The following PLXNA4 variants were observed in gnomAD, a reference collection of about 807,000 sequenced individuals.
PLXNA4 encodes plexin-A4.
In PLXNA4, 44 loss-of-function variants were observed where a neutral mutation model predicts 191.8. The observed-to-expected ratio is 0.23, with a 90% CI of 0.18 to 0.29. The LOEUF (loss-of-function observed/expected upper bound fraction) is 0.29, where lower values mean the gene tolerates loss of function less well. Among genes scored for constraint, PLXNA4 ranks in the 10% least tolerant of loss-of-function variants. The pLI is 1.00. For synonymous variants in PLXNA4, 1,082 were observed against 1,009.5 expected (o/e 1.07, Z -1.36); for missense variants, 1,800 against 2,488.8 (o/e 0.72, Z 5.89).
At chr7:132,337,561 C>A (rs1802868540) in intron 3 of PLXNA4, among the ~76,000 whole-genome samples, 1 of 152,174 alleles carries the variant, frequency 6.6e-6, no homozygotes, top group Non-Finnish European at 1.5e-5. Flanking sequence ...CAACTACACC[C>A]TAGTTGCAGC....
chr7:132,133,195 A>T lies in PLXNA4; in HGVS notation c.5443T>A (p.Tyr1815Asn). 1 of 1,614,070 alleles carries T rather than the reference A, an allele frequency of 6.2e-7. No homozygotes were observed. The highest frequency in any genetic ancestry group is 8.5e-7 in the Non-Finnish European group (1 of 1,179,968). Residue 1815 changes from tyrosine to asparagine, a missense_variant, in exon 31 of 32, where the codon TAC becomes AAC. Around this residue, in one of 6 missense-constraint regions of PLXNA4, gnomAD observed 101 missense variants for 182.8 expected, o/e 0.55. Coordinates refer to ENST00000321063, the MANE Select transcript of PLXNA4 (RefSeq NM_020911.2). ...PSYKNWVERY[Y>N]SDIGKMPAIS... ...GCTGGCATCTTCCCTATGTCTGAGT[A>T]ATACCTGTGGAGGGATGGAAATAGG...
chr7:132,382,624 G>A lies in PLXNA4; in HGVS notation c.1372-84402C>T, dbSNP rs113659722. On this transcript the variant is annotated intron_variant, in intron 3 of 31. Coordinates refer to ENST00000321063, the MANE Select transcript of PLXNA4 (RefSeq NM_020911.2). ...CAAATGGCTGCTACATCATCAGCTC[G>A]TTAATAACAGAGAGTACTGGCACTG... 6.0e-3 allele frequency among the ~76,000 whole-genome samples: 919 copies of A among 152,258 alleles called. 11 individuals carry two copies. The highest frequency in any genetic ancestry group is 0.021 in the African/African-American group (871 of 41,566).
intron 2 of PLXNA4, among the ~76,000 whole-genome samples, chr7:132,489,762 G>A (rs1797708574): frequency 6.6e-6 from 1 of 152,180 alleles, no homozygotes; most frequent in East Asian, 1.9e-4. Flanking sequence ...GCCATCTTGG[G>A]AGCTTTGTCC....
intron 2 of PLXNA4, among the ~76,000 whole-genome samples, chr7:132,497,970 A>G (rs1585226469): frequency 6.6e-6 from 1 of 152,298 alleles, no homozygotes; most frequent in East Asian, 1.9e-4. Context: ...AGACAAACAC[A>G]TCATTGCAGG....
At chr7:132,339,327 C>T (rs896837443) in intron 3 of PLXNA4, among the ~76,000 whole-genome samples, 2 of 152,192 alleles carry the variant, frequency 1.3e-5, no homozygotes, top group South Asian at 2.1e-4. Context: ...CCTCATCCCC[C>T]ATCTAATGTT....
At chr7:132,188,948 A>AGAGAGGAGAGGAGAGGAGAG (rs1261524794) in intron 14 of PLXNA4, among the ~76,000 whole-genome samples, 1 of 39,390 alleles carries the variant, frequency 2.5e-5, no homozygotes, top group Non-Finnish European at 5.6e-5. Context: ...CAACCTTCCC[A>AGAGAGGAGAGGAGAGGAGAG]GAGAGGAAAG....
chr7:132,526,590 C>T (rs991559401), intron 1 of PLXNA4, among the ~76,000 whole-genome samples: 11 of 152,192 alleles, frequency 7.2e-5, no homozygotes, highest in African/African-American at 2.4e-4. Context: ...GGTTCACTTC[C>T]TTGCTGCCTG....
intron 1 of PLXNA4, among the ~76,000 whole-genome samples, chr7:132,557,091 C>T (rs754972169): frequency 5.3e-5 from 8 of 152,190 alleles, no homozygotes; most frequent in Non-Finnish European, 1.2e-4. Context: ...TGGTTACGAA[C>T]CAGCAGTGGG....
chr7:132,562,984 T>TC (rs1563175149), intron 1 of PLXNA4, among the ~76,000 whole-genome samples: 62 of 43,034 alleles, frequency 1.4e-3, no homozygotes, highest in Non-Finnish European at 1.8e-3. Flanking sequence ...CTCCTCCTCC[T>TC]TCTCCTCCTC....
chr7:132,640,361 G>A (rs758260443), intron 2 of PLXNA4, among the ~76,000 whole-genome samples: 4 of 152,182 alleles, frequency 2.6e-5, no homozygotes, highest in African/African-American at 4.8e-5. Context: ...GGAATGCATC[G>A]CATCCCCCTC....
At chr7:132,184,215 G>C (rs1796802951) in intron 16 of PLXNA4, among the ~76,000 whole-genome samples, 1 of 152,202 alleles carries the variant, frequency 6.6e-6, no homozygotes. Flanking sequence ...GTCCCAGCAG[G>C]GGGCAGCGGG....
chr7:132,246,994 T>C (rs1799081744), intron 4 of PLXNA4, among the ~76,000 whole-genome samples: 1 of 152,198 alleles, frequency 6.6e-6, no homozygotes, highest in African/African-American at 2.4e-5. Context: ...AGCCCATTGC[T>C]TGGGGACCTG....
intron 7 of PLXNA4, among the ~76,000 whole-genome samples, chr7:132,227,246 G>T (rs922174934): frequency 7.9e-5 from 12 of 152,234 alleles, no homozygotes; most frequent in African/African-American, 2.9e-4. Flanking sequence ...CTGGGGCTGA[G>T]ACAGAAGGGC....
chr7:132,228,669 C>T (rs900902849), intron 5 of PLXNA4, among the ~76,000 whole-genome samples, 200 bp from the exon 6 acceptor site: 1 of 152,224 alleles, frequency 6.6e-6, no homozygotes, highest in Non-Finnish European at 1.5e-5. Context: ...ATTTCAATCA[C>T]CTCTTGCCAA....
At chr7:132,210,167 T>G (rs1208839459) in intron 10 of PLXNA4, among the ~76,000 whole-genome samples, 1 of 152,144 alleles carries the variant, frequency 6.6e-6, no homozygotes, top group Admixed American at 6.5e-5. Context: ...ATGTGTCTAG[T>G]GTTTGTCTCT....
intron 1 of PLXNA4, among the ~76,000 whole-genome samples, chr7:132,573,895 G>C (rs996389598): frequency 4.6e-5 from 7 of 152,178 alleles, no homozygotes; most frequent in African/African-American, 1.4e-4. Flanking sequence ...GGTTTTTCTA[G>C]TGTGACTCCC....
At chr7:132,473,436 C>T (rs1375846955) in intron 3 of PLXNA4, among the ~76,000 whole-genome samples, 1 of 152,192 alleles carries the variant, frequency 6.6e-6, no homozygotes, top group Non-Finnish European at 1.5e-5. Context: ...ATGGGGACCC[C>T]TGTCTCCTGC....
In PLXNA4 at chr7:132,125,705, TGTAGACGA is replaced by T. The variant is rs1794750848; in HGVS notation, c.*4766_*4773del. 6.6e-6 allele frequency: 1 copy of T among 151,240 alleles called. No individual in the cohort carries two copies. The highest frequency in any genetic ancestry group is 6.6e-5 in the Admixed American group (1 of 15,226). 9.4% of individuals were successfully genotyped at this position (151,240 alleles called of 1,614,324 possible). A position where few individuals can be genotyped will look rare whatever the true frequency, so the allele number is the denominator to read the frequency against. On this transcript the variant is annotated 3_prime_UTR_variant, in exon 32 of 32. Transcript: ENST00000321063. ...CAGGAAGAGGGGAAGAGGCCCTTGATGTAGACGAGGACCAGGAGGGATGGCGGGGGGGG... is the reference window on the plus strand; with the variant it reads ...CAGGAAGAGGGGAAGAGGCCCTTGATGGACCAGGAGGGATGGCGGGGGGGG...
At chr7:132,598,883 C>T (rs1802765175) in intron 2 of PLXNA4, among the ~76,000 whole-genome samples, 1 of 152,194 alleles carries the variant, frequency 6.6e-6, no homozygotes, top group Non-Finnish European at 1.5e-5. Flanking sequence ...AGGAAATCTT[C>T]TTTTAACCTT....
Sources: gnomAD v4.1 joint callset for allele counts (sites outside exome capture counted in the v4.1 genomes callset) on GRCh38, gnomAD v4.1.1 for gene constraint, gnomAD v4.1.1 regional missense constraint, MANE v1.5 for transcripts, NCBI Gene and HGNC (gene_info 2026-07-23, HGNC 2026-07-21) for gene names.